Variants in CHN2 observed in about 807,000 individuals in gnomAD.
CHN2 encodes the protein chimerin 2.
CHN2 carries 35 observed loss-of-function variants against 56.3 expected under a neutral mutation model. The observed-to-expected ratio is 0.62, with a 90% CI of 0.47 to 0.82. The LOEUF is 0.82. Ranked by LOEUF, CHN2 falls within the 40% of genes least tolerant of loss-of-function variation. CHN2 has a pLI of 0.00. For missense variants in CHN2, 491 were observed against 580.5 expected (o/e 0.85, Z 1.58); for synonymous variants, 210 against 212.8 (o/e 0.99, Z 0.12).
At chr7:29,261,685 C>T (rs1789568606) in intron 1 of CHN2, among the ~76,000 whole-genome samples, 1 of 152,192 alleles carries the variant, frequency 6.6e-6, no homozygotes, top group Non-Finnish European at 1.5e-5. Context: ...GGGCAGAACA[C>T]ATTACTGAAA....
intron 3 of CHN2, among the ~76,000 whole-genome samples, chr7:29,373,557 G>A (rs1238516659): frequency 6.6e-6 from 1 of 152,116 alleles, no homozygotes; most frequent in African/African-American, 2.4e-5. Flanking sequence ...TTTAAACACT[G>A]CTTAAGTATT....
chr7:29,429,085 TC>T (rs1368055186), intron 6 of CHN2, among the ~76,000 whole-genome samples: 1 of 152,192 alleles, frequency 6.6e-6, no homozygotes, highest in East Asian at 1.9e-4. Flanking sequence ...GGTCACCGCC[TC>T]CCAATCTTTA....
intron 2 of CHN2, among the ~76,000 whole-genome samples, chr7:29,169,880 G>GTGTGTGTGTA (rs148266761): frequency 0.023 from 3,384 of 149,968 alleles, 242 homozygotes; most frequent in East Asian, 0.17. Flanking sequence ...GTGTGTGTGT[G>GTGTGTGTGTA]TATATATATA....
chr7:29,195,193 G>A (rs1172751424), intron 1 of CHN2: 10 of 499,418 alleles, frequency 2.0e-5, no homozygotes, highest in Non-Finnish European at 1.4e-5. Context: ...TGACAGCGCA[G>A]AGGTGGGAGA....
At chr7:29,189,892 A>T (rs1418737626), upstream of CHN2, among the ~76,000 whole-genome samples, 1 of 152,182 alleles carries the variant, frequency 6.6e-6, no homozygotes, top group Non-Finnish European at 1.5e-5. Flanking sequence ...GTGTGCCGCC[A>T]CTAGGGGTCC....
intron 1 of CHN2, among the ~76,000 whole-genome samples, chr7:29,237,830 C>T (rs1258114261): frequency 6.6e-6 from 1 of 152,048 alleles, no homozygotes; most frequent in Non-Finnish European, 1.5e-5. Context: ...GGACAGCTCT[C>T]GCACATGAAA....
At chr7:29,494,324 A>G (rs937195160) in intron 7 of CHN2, among the ~76,000 whole-genome samples, 2 of 151,874 alleles carry the variant, frequency 1.3e-5, no homozygotes, top group African/African-American at 4.8e-5. Context: ...ATTATATTTA[A>G]TTGATCTTCA....
At chr7:29,394,571 A>G (rs576565351) in intron 4 of CHN2, among the ~76,000 whole-genome samples, 4 of 152,188 alleles carry the variant, frequency 2.6e-5, no homozygotes, top group Admixed American at 2.6e-4. Context: ...CCACAGCTGC[A>G]TTTCAGAACC....
chr7:29,155,901 G>A (rs1163997182), intron 2 of CHN2, among the ~76,000 whole-genome samples: 6 of 152,140 alleles, frequency 3.9e-5, no homozygotes, highest in East Asian at 3.9e-4. Flanking sequence ...CAGGGTCTGT[G>A]AGCTGGGAAA....
chr7:29,457,710 T>A (rs967030020), intron 6 of CHN2, among the ~76,000 whole-genome samples: 1 of 152,192 alleles, frequency 6.6e-6, no homozygotes, highest in Non-Finnish European at 1.5e-5. Context: ...GAAGTAATTA[T>A]GAGGAGAAAC....
chr7:29,418,813 T>G (rs928099769), intron 6 of CHN2, among the ~76,000 whole-genome samples: 2 of 152,182 alleles, frequency 1.3e-5, no homozygotes, highest in Non-Finnish European at 2.9e-5. Flanking sequence ...CTAATTTAAG[T>G]GTTTAAAATG....
At chr7:29,244,281 A>G (rs1320763175) in intron 1 of CHN2, among the ~76,000 whole-genome samples, 1 of 152,108 alleles carries the variant, frequency 6.6e-6, no homozygotes, top group Non-Finnish European at 1.5e-5. Flanking sequence ...GCCCTGGGTA[A>G]CCCCTCTCAT....
At chr7:29,358,674 C>T (rs1256495163) in intron 2 of CHN2, among the ~76,000 whole-genome samples, 1 of 152,110 alleles carries the variant, frequency 6.6e-6, no homozygotes. Context: ...CCCTGTTAGC[C>T]AGGATGGTCT....
intron 1 of CHN2, among the ~76,000 whole-genome samples, chr7:29,237,588 GA>G (rs998149074): frequency 3.3e-5 from 5 of 152,188 alleles, no homozygotes; most frequent in African/African-American, 7.2e-5. Flanking sequence ...GCCTTTGCCA[GA>G]AACTTTTCTG....
intron 2 of CHN2, 150 bp downstream of exon 2, chr7:29,354,813 CAG>C (rs1798159340): frequency 1.5e-6 from 1 of 687,640 alleles, no homozygotes; most frequent in Non-Finnish European, 2.5e-6. Flanking sequence ...AAAGATTAGT[CAG>C]AGACGATTAA....
chr7:29,410,205 C>T (rs1803070590), intron 6 of CHN2, among the ~76,000 whole-genome samples: 1 of 152,080 alleles, frequency 6.6e-6, no homozygotes, highest in African/African-American at 2.4e-5. Context: ...ATGTTTAAAA[C>T]AGGGTAGTGT....
intron 6 of CHN2, among the ~76,000 whole-genome samples, chr7:29,419,465 A>C (rs1255609039): frequency 6.6e-6 from 1 of 152,236 alleles, no homozygotes; most frequent in Non-Finnish European, 1.5e-5. Flanking sequence ...AGGCAACAAA[A>C]GCACATATAG....
At chr7:29,453,480 A>G (rs1313099870) in intron 6 of CHN2, among the ~76,000 whole-genome samples, 1 of 152,190 alleles carries the variant, frequency 6.6e-6, no homozygotes, top group African/African-American at 2.4e-5. Context: ...GTTACCCTGG[A>G]GGAGGACACC....
intron 1 of CHN2, among the ~76,000 whole-genome samples, chr7:29,274,768 G>A (rs3793304): frequency 0.049 from 7,489 of 152,224 alleles, 263 homozygotes; most frequent in East Asian, 0.16. Flanking sequence ...TTTTTAATGT[G>A]GCTAGAAAAA....
Sources: allele counts gnomAD v4.1 joint callset (sites outside exome capture counted in the v4.1 genomes callset), GRCh38; gene constraint gnomAD v4.1.1; transcripts MANE v1.5; gene names NCBI Gene and HGNC (gene_info 2026-07-23, HGNC 2026-07-21).